Variants in PTCHD4 observed in about 807,000 individuals in gnomAD.
PTCHD4 encodes the protein patched domain-containing protein 4.
Under a neutral mutation model 58.1 loss-of-function variants are expected in PTCHD4, and 33 were observed. The observed-to-expected ratio is 0.57, with a 90% CI of 0.43 to 0.76. The LOEUF (loss-of-function observed/expected upper bound fraction) is 0.76. Ranked by LOEUF, PTCHD4 falls within the 30% of genes least tolerant of loss-of-function variation. PTCHD4 has a pLI of 0.00. For missense variants in PTCHD4, 1,058 were observed against 1,027.1 expected (o/e 1.03, Z -0.41); for synonymous variants, 478 against 409.6 (o/e 1.17, Z -2.02).
At chr6:48,004,199 A>G (rs1181503403) in intron 4 of PTCHD4, among the ~76,000 whole-genome samples, 2 of 152,178 alleles carry the variant, frequency 1.3e-5, no homozygotes, top group African/African-American at 2.4e-5. Flanking sequence ...AAATTAATAA[A>G]CAATTTAAAT....
At position 47,872,066 on chromosome 6, in the gene PTCHD4, A is replaced by G. The variant is rs1763727182; in HGVS notation, c.*6237T>C. Among the ~76,000 whole-genome samples, 1 of 151,344 alleles carries G rather than the reference A, an allele frequency of 6.6e-6. No individual in the cohort carries two copies. Among genetic ancestry groups the G allele is most frequent in the Non-Finnish European group, 1.5e-5 (1 of 67,614 alleles). ...CCCCAGCTCTATCAGTGTTGCTACC[A>G]ACAACCAGTGAATTCATCAGATAAA... On this transcript the variant is annotated 3_prime_UTR_variant, in exon 5 of 5. Transcript: ENST00000339488.
intron 1 of PTCHD4, among the ~76,000 whole-genome samples, chr6:48,095,622 G>C (rs1299058737): frequency 6.6e-6 from 1 of 151,762 alleles, no homozygotes; most frequent in Non-Finnish European, 1.5e-5. Context: ...CCGGGAGGCA[G>C]AGCTTGCACT....
At chr6:48,062,787 A>G (rs1278186823) in intron 3 of PTCHD4, among the ~76,000 whole-genome samples, 1 of 152,230 alleles carries the variant, frequency 6.6e-6, no homozygotes, top group Non-Finnish European at 1.5e-5. Flanking sequence ...AAAACATACT[A>G]GAATATATCC....
chr6:47,971,494 C>G (rs997367803), intron 4 of PTCHD4, among the ~76,000 whole-genome samples: 9 of 152,038 alleles, frequency 5.9e-5, no homozygotes, highest in African/African-American at 2.2e-4. Flanking sequence ...GAAAGAGTTA[C>G]CTATAAAGCC....
intron 4 of PTCHD4, among the ~76,000 whole-genome samples, chr6:47,971,573 G>A (rs1767511630): frequency 6.6e-6 from 1 of 152,150 alleles, no homozygotes; most frequent in Non-Finnish European, 1.5e-5. Flanking sequence ...ATGGGTAAAT[G>A]CCTCCAAATT....
chr6:47,983,693 A>G (rs1767967474), intron 4 of PTCHD4, among the ~76,000 whole-genome samples: 1 of 152,184 alleles, frequency 6.6e-6, no homozygotes, highest in Non-Finnish European at 1.5e-5. Context: ...ATTACCGATG[A>G]CCTTAGCAAA....
intron 4 of PTCHD4, among the ~76,000 whole-genome samples, chr6:47,962,444 C>T (rs1581939748): frequency 1.3e-5 from 2 of 152,208 alleles, no homozygotes; most frequent in South Asian, 4.1e-4. Flanking sequence ...TTGTAATCCC[C>T]ATAATCCCCA....
chr6:48,099,632 G>C (rs1231138144), intron 1 of PTCHD4, among the ~76,000 whole-genome samples: 1 of 152,148 alleles, frequency 6.6e-6, no homozygotes, highest in Non-Finnish European at 1.5e-5. Flanking sequence ...TGGATTTGTA[G>C]CAATGGGGAA....
At chr6:47,894,937 C>T (rs1234651695) in intron 4 of PTCHD4, among the ~76,000 whole-genome samples, 1 of 151,992 alleles carries the variant, frequency 6.6e-6, no homozygotes, top group East Asian at 1.9e-4. Context: ...TTTAAGTCCA[C>T]CCTGGCCAAC....
intron 4 of PTCHD4, among the ~76,000 whole-genome samples, chr6:47,905,403 T>A (rs1197619562): frequency 6.6e-6 from 1 of 152,190 alleles, no homozygotes; most frequent in Non-Finnish European, 1.5e-5. Context: ...GGTCTATGGT[T>A]TAATTCAGCA....
intron 1 of PTCHD4, among the ~76,000 whole-genome samples, chr6:48,106,141 G>A (rs547033914): frequency 3.5e-4 from 53 of 151,880 alleles, no homozygotes; most frequent in African/African-American, 8.9e-4. Context: ...GGGCAGAGAC[G>A]CAACAAAAAA....
chr6:48,091,939 C>A (rs1023090606), intron 1 of PTCHD4, among the ~76,000 whole-genome samples: 1 of 151,858 alleles, frequency 6.6e-6, no homozygotes, highest in Non-Finnish European at 1.5e-5. Flanking sequence ...CATGAGCCAC[C>A]ACGAGAAATT....
In PTCHD4 at chr6:47,860,735, G is replaced by T. The variant is rs951175432; in HGVS notation, c.*17568C>A. Among the ~76,000 whole-genome samples the T allele has an allele frequency of 6.6e-6, 1 of 151,906 alleles. No homozygotes were observed. The highest frequency in any genetic ancestry group is 2.4e-5 in the African/African-American group (1 of 41,400). On this transcript the variant is annotated 3_prime_UTR_variant, in exon 5 of 5. Transcript: ENST00000339488. Reference sequence around the variant, plus strand: ...TATAAACATTTGAGAGACATAGGTAGAGGGTTAAAAACCCACTAGTCTACT... The same window carrying T: ...TATAAACATTTGAGAGACATAGGTATAGGGTTAAAAACCCACTAGTCTACT...
rs1338890398 is a variant in PTCHD4, at chr6:48,008,652, T to C, written c.880A>G (p.Ile294Val). The C allele has an allele frequency of 6.2e-7, 1 of 1,613,122 alleles. No homozygotes were observed. The highest frequency in any genetic ancestry group is 1.7e-5 in the Admixed American group (1 of 59,892). ...DGKYNSTLLGIPFFAMGHGTK... is the reference protein window; with the variant it reads ...DGKYNSTLLGVPFFAMGHGTK... ...TAGTTACCCATGGCGAAGAACGGGA[T>C]TCCCAGCAGGGTGGAGTTGTACTTT... The change falls in exon 4 of 5, where the codon ATC (isoleucine) becomes GTC (valine). Residue 294 changes from isoleucine (I) to valine (V), a missense_variant. Physicochemically the swap from Ile to Val is conservative, Grantham distance 29 (BLOSUM62 3). Coordinates refer to ENST00000339488, the MANE Select transcript of PTCHD4 (RefSeq NM_001384253.1).
Position 47,858,067 on chromosome 6 carries a change from T to C in PTCHD4, c.*20236A>G, listed in dbSNP as rs1246405335. On this transcript the variant is annotated 3_prime_UTR_variant, in exon 5 of 5. Transcript: ENST00000339488. ...TAAAGAGTGGTAAAATTCCACCATC[T>C]ATGGACATTTGAATTTGAGTGTTGT... Among the ~76,000 whole-genome samples, 1 of 152,068 alleles carries C rather than the reference T, an allele frequency of 6.6e-6. No individual in the cohort carries two copies. Among genetic ancestry groups the C allele is most frequent in the East Asian group, 1.9e-4 (1 of 5,168 alleles).
intron 4 of PTCHD4, among the ~76,000 whole-genome samples, chr6:47,992,528 T>C (rs1768319929): frequency 6.6e-6 from 1 of 152,196 alleles, no homozygotes; most frequent in Admixed American, 6.5e-5. Flanking sequence ...ATATAGCTAT[T>C]AGTAAAAATA....
chr6:47,969,637 A>T (rs919663516), intron 4 of PTCHD4, among the ~76,000 whole-genome samples: 1 of 152,154 alleles, frequency 6.6e-6, no homozygotes, highest in Admixed American at 6.5e-5. Flanking sequence ...CCCCCAAAAA[A>T]TAAAATTGCA....
intron 1 of PTCHD4, among the ~76,000 whole-genome samples, chr6:48,101,918 C>T (rs936777217): frequency 1.3e-5 from 2 of 152,152 alleles, no homozygotes; most frequent in Admixed American, 1.3e-4. Context: ...TGCTGCCTCT[C>T]TATGAAGGTC....
intron 3 of PTCHD4, among the ~76,000 whole-genome samples, chr6:48,054,853 C>A (rs771974015): frequency 2.0e-4 from 31 of 152,074 alleles, no homozygotes; most frequent in Admixed American, 5.9e-4. Context: ...CCTAATCTTC[C>A]AATGATGTTA....
Sources: gnomAD v4.1 joint callset for allele counts (sites outside exome capture counted in the v4.1 genomes callset) on GRCh38, gnomAD v4.1.1 for gene constraint, MANE v1.5 for transcripts, NCBI Gene and HGNC (gene_info 2026-07-23, HGNC 2026-07-21) for gene names.